Variants in LATS1 observed in about 807,000 individuals in gnomAD.
LATS1 encodes serine/threonine-protein kinase LATS1.
A neutral mutation model predicts 106.6 loss-of-function variants in LATS1; 25 were observed. The ratio of observed to expected loss-of-function variants is 0.23; its 90% CI spans 0.17 to 0.33. LATS1 has a LOEUF of 0.33. LATS1 is among the 10% of genes least tolerant of loss of function. LATS1 has a pLI of 1.00. For missense variants in LATS1, 1,040 were observed against 1,382.6 expected (o/e 0.75, Z 3.93); for synonymous variants, 465 against 455.6 (o/e 1.02, Z -0.26).
intron 7 of LATS1, among the ~76,000 whole-genome samples, chr6:149,667,261 C>A (rs1427287009): frequency 6.6e-6 from 1 of 151,472 alleles, no homozygotes; most frequent in South Asian, 2.1e-4. Context: ...ATGGTGAGAA[C>A]CCTGTCTTAA....
intron 2 of LATS1, among the ~76,000 whole-genome samples, chr6:149,697,786 A>G (rs1305128212): frequency 6.6e-6 from 1 of 151,874 alleles, no homozygotes; most frequent in East Asian, 1.9e-4. Context: ...CTGGGGTTGG[A>G]GTGCAGTGGC....
intron 2 of LATS1, among the ~76,000 whole-genome samples, chr6:149,695,769 T>C (rs1783028271): frequency 6.6e-6 from 1 of 152,090 alleles, no homozygotes. Flanking sequence ...TTCTATTTCC[T>C]CCTAGGATTA....
At chr6:149,675,102 A>T (rs1781644731) in intron 7 of LATS1, among the ~76,000 whole-genome samples, 1 of 151,656 alleles carries the variant, frequency 6.6e-6, no homozygotes, top group African/African-American at 2.4e-5. Flanking sequence ...CTGTAATCCC[A>T]GCTACTCGGG....
chr6:149,696,627 CACATTGCCATTGTGCAT>C (rs1783094377), intron 2 of LATS1, among the ~76,000 whole-genome samples: 1 of 143,090 alleles, frequency 7.0e-6, no homozygotes, highest in Admixed American at 7.1e-5. Flanking sequence ...TTTTATTAAG[CACATTGCCATTGTGCAT>C]AGTAGTTCTG....
chr6:149,686,925 A>T (rs1380501911), intron 3 of LATS1, among the ~76,000 whole-genome samples: 3 of 152,034 alleles, frequency 2.0e-5, no homozygotes, highest in East Asian at 1.9e-4. Context: ...CATTCTCATG[A>T]TTGTATTTCA....
At chr6:149,709,865 G>A (rs1368728534) in intron 1 of LATS1, among the ~76,000 whole-genome samples, 2 of 151,564 alleles carry the variant, frequency 1.3e-5, no homozygotes, top group African/African-American at 2.4e-5. Context: ...TAGTAGAGAT[G>A]GGGTTTCACT....
chr6:149,707,904 G>A (rs1783880153), intron 1 of LATS1, among the ~76,000 whole-genome samples: 1 of 151,812 alleles, frequency 6.6e-6, no homozygotes, highest in Non-Finnish European at 1.5e-5. Context: ...AGAGACAGGG[G>A]CTCACCATGT....
chr6:149,671,456 C>T (rs985532052), intron 7 of LATS1, among the ~76,000 whole-genome samples: 1 of 151,790 alleles, frequency 6.6e-6, no homozygotes, highest in Non-Finnish European at 1.5e-5. Flanking sequence ...TTTTTGTATA[C>T]GGCTGACCAG....
At chr6:149,717,252 C>T (rs763572951) in intron 1 of LATS1, among the ~76,000 whole-genome samples, 21 of 152,192 alleles carry the variant, frequency 1.4e-4, no homozygotes, top group Non-Finnish European at 2.1e-4. Context: ...GAGCTACAAG[C>T]TATTTCAGGT....
At chr6:149,677,425 C>T (rs1216651392) in intron 5 of LATS1, among the ~76,000 whole-genome samples, 4 of 152,222 alleles carry the variant, frequency 2.6e-5, no homozygotes, top group South Asian at 2.1e-4. Context: ...GTAAGAAATG[C>T]GGCAGGAATA....
At chr6:149,695,753 A>G (rs755160568) in intron 2 of LATS1, among the ~76,000 whole-genome samples, 3 of 151,892 alleles carry the variant, frequency 2.0e-5, no homozygotes, top group African/African-American at 7.2e-5. Context: ...TCTTTATGTA[A>G]CATATTTCTA....
chr6:149,676,254 C>T lies in LATS1; in HGVS notation c.2883+6G>A, dbSNP rs1781720459. ...GAATTCTTTTGATATAGATGCCATA[C>T]CTTACCTTCATTTGTGTTTCTAATG... On this transcript the variant is annotated splice_donor_region_variant and intron_variant, in intron 7 of 7. Transcript: ENST00000543571. 1 of 1,580,008 alleles carries T rather than the reference C, an allele frequency of 6.3e-7. No individual in the cohort carries two copies. Among genetic ancestry groups the T allele is most frequent in the African/African-American group, 1.3e-5 (1 of 74,202 alleles).
At chr6:149,689,000 T>A (rs1009621084) in intron 3 of LATS1, among the ~76,000 whole-genome samples, 1 of 152,016 alleles carries the variant, frequency 6.6e-6, no homozygotes, top group Non-Finnish European at 1.5e-5. Context: ...AAACCCTGTC[T>A]CTACTAAAAA....
chr6:149,686,249 G>T (rs980323629), intron 3 of LATS1, among the ~76,000 whole-genome samples: 12 of 152,108 alleles, frequency 7.9e-5, no homozygotes, highest in African/African-American at 2.9e-4. Flanking sequence ...CTCGAAGCAG[G>T]AGCCAGACGA....
At chr6:149,700,227 G>A (rs1783374808) in intron 2 of LATS1, among the ~76,000 whole-genome samples, 1 of 152,180 alleles carries the variant, frequency 6.6e-6, no homozygotes, top group African/African-American at 2.4e-5. Flanking sequence ...TGTAATCCCA[G>A]CACTTTGGGA....
chr6:149,682,415 C>CTTTTTTTT, intron 4 of LATS1, among the ~76,000 whole-genome samples: 1 of 138,336 alleles, frequency 7.2e-6, no homozygotes, highest in Non-Finnish European at 1.6e-5. Context: ...TTTCTTTTTT[C>CTTTTTTTT]TTTTTTTTTT....
intron 4 of LATS1, among the ~76,000 whole-genome samples, chr6:149,682,706 G>GCCC (rs1409736923): frequency 2.6e-5 from 4 of 151,986 alleles, no homozygotes; most frequent in Non-Finnish European, 4.4e-5. Flanking sequence ...GAGCCCCCAT[G>GCCC]CCCCAGCCTG....
Position 149,684,172 on chromosome 6 carries a change from T to A in LATS1, c.917A>T (p.Asn306Ile). 6.2e-7 allele frequency: 1 copy of A among 1,614,112 alleles called. No individual in the cohort carries two copies. Among genetic ancestry groups the A allele is most frequent in the Non-Finnish European group, 8.5e-7 (1 of 1,180,026 alleles). ...ATTAGGAGGATTCATGGGGGAAGTG[T>A]TGAGAGGTGGTGGAGGATAGCCCTC... ...WQEGYPPPPL[N>I]TSPMNPPNQG... is the part of the protein sequence containing the mutation. The change falls in exon 4 of 8, where the codon AAC (asparagine) becomes ATC (isoleucine). Residue 306 changes from asparagine (N) to isoleucine (I), a missense_variant. This residue lies in a region of LATS1 where 624 missense variants were observed against 714.8 expected (regional missense o/e 0.87). Coordinates refer to ENST00000543571, the MANE Select transcript of LATS1 (RefSeq NM_004690.4).
At chr6:149,674,391 T>G (rs556063143) in intron 7 of LATS1, among the ~76,000 whole-genome samples, 1 of 152,162 alleles carries the variant, frequency 6.6e-6, no homozygotes, top group East Asian at 1.9e-4. Context: ...TTTTTTATTT[T>G]TTGAGATGGG....
Sources: allele counts gnomAD v4.1 joint callset (sites outside exome capture counted in the v4.1 genomes callset), GRCh38; gene constraint gnomAD v4.1.1; regional missense constraint gnomAD v4.1.1; transcripts MANE v1.5; gene names NCBI Gene and HGNC (gene_info 2026-07-23, HGNC 2026-07-21).